The following GYG1 variants were observed in gnomAD, a reference collection of about 807,000 sequenced individuals.
GYG1 encodes the protein glycogenin-1.
A neutral mutation model predicts 41.9 loss-of-function variants in GYG1; 44 were observed. The ratio of observed to expected loss-of-function variants is 1.05; its 90% CI spans 0.83 to 1.35. The LOEUF is 1.35. Among genes scored for constraint, GYG1 ranks in the 40% most tolerant of loss-of-function variants. The pLI, the probability that GYG1 is intolerant of heterozygous loss-of-function variation, is 0.00. For synonymous variants in GYG1, 141 were observed against 158.1 expected (o/e 0.89, Z 0.81); for missense variants, 429 against 418.9 (o/e 1.02, Z -0.21).
intron 4 of GYG1, among the ~76,000 whole-genome samples, chr3:149,002,633 C>G (rs544005559): frequency 2.0e-5 from 3 of 152,264 alleles, no homozygotes; most frequent in African/African-American, 7.2e-5. Context: ...TCCCCAAGAG[C>G]TGGGCTTTCA....
chr3:149,001,186 C>T (rs1255809833), intron 4 of GYG1: 1 of 152,194 alleles, frequency 6.6e-6, no homozygotes, highest in Non-Finnish European at 1.5e-5. Flanking sequence ...CTTGATAGGT[C>T]AGCCCGGACA....
chr3:148,991,651 C>T lies in GYG1; in HGVS notation c.7+4C>T. The T allele has an allele frequency of 6.5e-7, 1 of 1,537,148 alleles. No homozygotes were observed. The highest frequency in any genetic ancestry group is 8.7e-7 in the Non-Finnish European group (1 of 1,149,572). ...GCACCCGGCAGCACCATGACAGGTA[C>T]CGCCGCGCAGCCCGCCGCCGCCAGC... On this transcript the variant is annotated splice_donor_region_variant and intron_variant, in intron 1 of 7. Transcript: ENST00000345003.
At chr3:149,009,010 A>G (rs1713564302) in intron 4 of GYG1, 1 of 372,534 alleles carries the variant, frequency 2.7e-6, no homozygotes, top group Admixed American at 4.1e-5. Flanking sequence ...ATAACAAAAA[A>G]TTGCCTGACG....
chr3:148,996,883 T>G lies in GYG1; in HGVS notation c.460T>G (p.Ser154Ala). Residue 154 changes from serine to alanine, a missense_variant, in exon 4 of 8, where the codon TCT becomes GCT. Physicochemically the swap from Ser to Ala is moderately conservative, Grantham distance 99. Transcript: ENST00000345003. ...ATACAATCAGCTGTTGCATCTTGCT[T>G]CTGAGCAAGGTAGTTTTGATGGTAT... ...ETYNQLLHLA[S>A]EQGSFDGGDQ... 2 of 1,613,454 alleles carry G rather than the reference T, an allele frequency of 1.2e-6. No individual in the cohort carries two copies. The highest frequency in any genetic ancestry group is 1.7e-6 in the Non-Finnish European group (2 of 1,179,362).
Position 148,999,326 on chromosome 3 carries a change from A to C in GYG1, c.481+2422A>C, listed in dbSNP as rs568699305. ...CCATTTACTGGCTCATTGGTGGTGA[A>C]GGACTGAATCTTCTCTGTTAATAGA... On this transcript the variant is annotated intron_variant, in intron 4 of 7. Coordinates refer to ENST00000345003, the MANE Select transcript of GYG1 (RefSeq NM_004130.4). Among the ~76,000 whole-genome samples, 9 of 152,344 alleles carry C rather than the reference A, an allele frequency of 5.9e-5. No homozygotes were observed. The South Asian group carries it at 1.4e-3, about 25-fold the overall frequency.
Position 149,030,415 on chromosome 3 carries a change from A to G in GYG1, c.*3482A>G, listed in dbSNP as rs906395855. Reference sequence around the variant, plus strand: ...GAGACATTTTTTAAACAACTTGCCAAACTTACTTATGAGTGTGTTTTAAAA... The same window carrying G: ...GAGACATTTTTTAAACAACTTGCCAGACTTACTTATGAGTGTGTTTTAAAA... On this transcript the variant is annotated 3_prime_UTR_variant, in exon 8 of 8. Coordinates refer to ENST00000345003, the MANE Select transcript of GYG1 (RefSeq NM_004130.4). 1.5e-4 allele frequency: 23 copies of G among 152,308 alleles called. No homozygotes were observed. Among genetic ancestry groups the G allele is most frequent in the Admixed American group, 1.3e-3 (20 of 15,290 alleles). 9.4% of individuals were successfully genotyped at this position (152,308 alleles called of 1,614,324 possible).
chr3:149,001,247 G>A (rs1429215895), intron 4 of GYG1: 1 of 152,100 alleles, frequency 6.6e-6, no homozygotes, highest in Non-Finnish European at 1.5e-5. Flanking sequence ...TAGGCTGCCT[G>A]TTCTAGTAAT....
rs1203508714 is a variant in GYG1, at chr3:149,030,592, A to G, written c.*3659A>G. On this transcript the variant is annotated 3_prime_UTR_variant, in exon 8 of 8. Transcript: ENST00000345003. ...TACTTAATCTCACTGAAGTATTGCT[A>G]TATGGAGAACCCATACTCTGATCAA... is the stretch of plus-strand genomic sequence containing the variant. The G allele has an allele frequency of 3.3e-5, 5 of 152,188 alleles. No homozygotes were observed. The East Asian group carries it at 9.6e-4, about 29-fold the overall frequency. The allele number at this position is 152,188 out of a possible 1,614,324, so 9.4% of individuals were successfully genotyped here.
chr3:149,009,081 C>T, intron 4 of GYG1, 195 bp from the exon 5 acceptor site: 2 of 521,972 alleles, frequency 3.8e-6, no homozygotes, highest in Non-Finnish European at 6.8e-6. Flanking sequence ...ATTGCTTGAA[C>T]CCAGGAGGCA....
At chr3:149,018,858 G>T (rs1211012324) in intron 5 of GYG1, among the ~76,000 whole-genome samples, 3 of 151,906 alleles carry the variant, frequency 2.0e-5, no homozygotes, top group Non-Finnish European at 4.4e-5. Flanking sequence ...CGCTTGAATA[G>T]CCTGGGCAAC....
intron 4 of GYG1, among the ~76,000 whole-genome samples, chr3:149,006,809 C>G (rs1006468691): frequency 1.3e-5 from 2 of 152,210 alleles, no homozygotes; most frequent in Non-Finnish European, 2.9e-5. Flanking sequence ...CCATTAGTGT[C>G]TAGTCCCACA....
chr3:148,996,663 T>C, intron 3 of GYG1, 79 bp from the exon 4 acceptor site: 1 of 1,385,128 alleles, frequency 7.2e-7, no homozygotes. Context: ...TCTTTTGTGT[T>C]GGATGACATA....
intron 4 of GYG1, among the ~76,000 whole-genome samples, chr3:148,997,878 C>CTTTCCTCCTCTCCCCTT (rs1224188710): frequency 6.6e-6 from 1 of 152,238 alleles, no homozygotes; most frequent in Non-Finnish European, 1.5e-5. Context: ...GCGGGGACTT[C>CTTTCCTCCTCTCCCCTT]TTTCCTCCTC....
chr3:148,997,691 AATT>A (rs1712888760), intron 4 of GYG1, among the ~76,000 whole-genome samples: 1 of 152,226 alleles, frequency 6.6e-6, no homozygotes, highest in Non-Finnish European at 1.5e-5. Flanking sequence ...TTCTTTGAAA[AATT>A]ATTTTTGATG....
chr3:148,991,722 C>A, intron 1 of GYG1, 75 bp downstream of exon 1: 1 of 1,181,066 alleles, frequency 8.5e-7, no homozygotes, highest in Non-Finnish European at 1.2e-6. Context: ...CCTTCTCCTC[C>A]GCCCTCAGCC....
chr3:149,024,903 C>T (rs989897161), intron 6 of GYG1, among the ~76,000 whole-genome samples: 2 of 152,080 alleles, frequency 1.3e-5, no homozygotes, highest in East Asian at 1.9e-4. Context: ...GGATGAGGAA[C>T]GAAACTGTTA....
At chr3:149,023,914 A>G (rs947500712) in intron 5 of GYG1, 139 bp from the exon 6 acceptor site, 6 of 718,528 alleles carry the variant, frequency 8.4e-6, no homozygotes, top group African/African-American at 7.0e-5. Flanking sequence ...CTGTCATGCT[A>G]CTGCACTCCA....
At chr3:149,025,634 A>G (rs1319979826) in intron 6 of GYG1, among the ~76,000 whole-genome samples, 1 of 152,170 alleles carries the variant, frequency 6.6e-6, no homozygotes, top group East Asian at 1.9e-4. Flanking sequence ...TTTATAGGTA[A>G]ATTAACTGAG....
chr3:149,011,230 T>C (rs1713703797), intron 5 of GYG1, among the ~76,000 whole-genome samples: 1 of 152,190 alleles, frequency 6.6e-6, no homozygotes, highest in South Asian at 2.1e-4. Context: ...CCTTGTAAAA[T>C]ACAAACGTGT....
Sources: allele counts gnomAD v4.1 joint callset (sites outside exome capture counted in the v4.1 genomes callset), GRCh38; gene constraint gnomAD v4.1.1; transcripts MANE v1.5; gene names NCBI Gene and HGNC (gene_info 2026-07-23, HGNC 2026-07-21).